BCL2: variants seen among roughly 807,000 people sequenced by gnomAD.
The protein encoded by BCL2 is apoptosis regulator Bcl-2.
A neutral mutation model predicts 14.2 loss-of-function variants in BCL2; 1 was observed. That is an observed-to-expected ratio of 0.07 (90% CI 0.02 to 0.33). The LOEUF is 0.33. Among genes scored for constraint, BCL2 ranks in the 10% least tolerant of loss-of-function variants. The pLI, the probability that BCL2 is intolerant of heterozygous loss-of-function variation, is 0.99. For synonymous variants in BCL2, 151 were observed against 137.2 expected, an observed-to-expected ratio of 1.10 and a Z score of -0.70; for missense variants, 247 against 305.9, an observed-to-expected ratio of 0.81 and a Z score of 1.44.
intron 2 of BCL2, among the ~76,000 whole-genome samples, chr18:63,310,574 G>A (rs1206927611): frequency 2.0e-5 from 3 of 152,184 alleles, no homozygotes; most frequent in Non-Finnish European, 4.4e-5. Flanking sequence ...TAAGTTCCTT[G>A]AAGGCAAAAG....
chr18:63,128,491 G>A lies in BCL2; in HGVS notation c.*134C>T. ...TGTGTGTGTGTGTCTGTCTGTGTGT[G>A]TGATGTTTATATGTGTGTTATTTTT... On this transcript the variant is annotated 3_prime_UTR_variant, in exon 3 of 3. Transcript: ENST00000333681. 1.6e-6 allele frequency: 1 copy of A among 616,084 alleles called. No individual in the cohort carries two copies. The highest frequency in any genetic ancestry group is 2.7e-5 in the East Asian group (1 of 37,726). 38.2% of individuals were successfully genotyped at this position (616,084 alleles called of 1,614,324 possible). A position where few individuals can be genotyped will look rare whatever the true frequency, so the allele number is the denominator to read the frequency against.
chr18:63,281,117 G>C (rs1207594797), intron 2 of BCL2, among the ~76,000 whole-genome samples: 1 of 152,184 alleles, frequency 6.6e-6, no homozygotes, highest in African/African-American at 2.4e-5. Flanking sequence ...GGTACCTAGA[G>C]TAGTCAAGTT....
At position 63,126,812 on chromosome 18, in the gene BCL2, A is replaced by AT. The variant is rs1913922155; in HGVS notation, c.*1812dup. 2 of 228,382 alleles carry AT rather than the reference A, an allele frequency of 8.8e-6. No homozygotes were observed. Among genetic ancestry groups the AT allele is most frequent in the South Asian group, 1.8e-4 (1 of 5,470 alleles). The allele number at this position is 228,382 out of a possible 1,614,324, so 14.1% of individuals were successfully genotyped here. A position where few individuals can be genotyped will look rare whatever the true frequency, so the allele number is the denominator to read the frequency against. On this transcript the variant is annotated 3_prime_UTR_variant, in exon 3 of 3. Coordinates refer to ENST00000333681, the MANE Select transcript of BCL2 (RefSeq NM_000633.3). ...AACAAAAAAACGCTGAGATGCATGT[A>AT]TTTTTTTAAAGCAGCTTTCGAAATA...
chr18:63,265,385 T>A (rs934387297), intron 2 of BCL2, among the ~76,000 whole-genome samples: 1 of 152,234 alleles, frequency 6.6e-6, no homozygotes, highest in Non-Finnish European at 1.5e-5. Flanking sequence ...CCCTGGGATA[T>A]AGATATTACT....
At chr18:63,214,500 G>C (rs564287286) in intron 2 of BCL2, among the ~76,000 whole-genome samples, 1 of 152,194 alleles carries the variant, frequency 6.6e-6, no homozygotes, top group East Asian at 1.9e-4. Flanking sequence ...TATTTTCAAG[G>C]TTGACTCAAA....
intron 2 of BCL2, among the ~76,000 whole-genome samples, chr18:63,311,520 C>T (rs1436734978): frequency 6.6e-6 from 1 of 152,168 alleles, no homozygotes; most frequent in Non-Finnish European, 1.5e-5. Context: ...TCACTTGACA[C>T]AGTGGGTTCT....
At chr18:63,307,479 A>G (rs1568265321) in intron 2 of BCL2, among the ~76,000 whole-genome samples, 1 of 152,188 alleles carries the variant, frequency 6.6e-6, no homozygotes, top group Non-Finnish European at 1.5e-5. Flanking sequence ...AAAACTAATA[A>G]CCCCTTAACT....
In BCL2 at chr18:63,318,652, C is replaced by G. The variant is rs1913589918; in HGVS notation, c.15G>C (p.Gly5=). ...TCTCCCGGTTATCGTACCCTGTTCT[C>G]CCAGCGTGCGCCATCCTTCCCAGAG... is the stretch of plus-strand genomic sequence containing the variant. MAHA[G]RTGYDNREIV... is the part of the protein sequence containing the mutation. The change falls in exon 2 of 3, where the codon GGG becomes GGC. Residue 5 remains glycine (G), a synonymous_variant. Transcript: ENST00000333681. The surrounding 1 kb of genome is among the most constrained non-coding windows in gnomAD (Gnocchi z 7.4). 6.2e-7 allele frequency: 1 copy of G among 1,613,020 alleles called. No individual in the cohort carries two copies. The highest frequency in any genetic ancestry group is 1.3e-5 in the African/African-American group (1 of 75,010).
intron 2 of BCL2, among the ~76,000 whole-genome samples, chr18:63,280,476 C>T (rs1054342027): frequency 3.3e-5 from 5 of 152,184 alleles, no homozygotes; most frequent in Non-Finnish European, 5.9e-5. Context: ...ACGCCTACAA[C>T]TCAATAACAA....
chr18:63,269,808 A>G (rs923810381), intron 2 of BCL2, among the ~76,000 whole-genome samples: 2 of 152,192 alleles, frequency 1.3e-5, no homozygotes, highest in African/African-American at 4.8e-5. Context: ...TGGTAATCAC[A>G]TGAAGGAGAA....
intron 2 of BCL2, among the ~76,000 whole-genome samples, chr18:63,130,686 T>TG: frequency 1.3e-5 from 2 of 152,364 alleles, no homozygotes; most frequent in East Asian, 3.9e-4. Context: ...AAATGTGCCA[T>TG]ACTTTAAAAA....
chr18:63,317,779 C>T, intron 2 of BCL2: 1 of 1,243,596 alleles, frequency 8.0e-7, no homozygotes, highest in Non-Finnish European at 1.0e-6. Flanking sequence ...CCTGGACCTT[C>T]AGCTTGAGAA....
intron 2 of BCL2, among the ~76,000 whole-genome samples, chr18:63,249,919 G>C (rs920154692): frequency 6.6e-6 from 1 of 152,068 alleles, no homozygotes; most frequent in African/African-American, 2.4e-5. Context: ...GAAGGAAAGG[G>C]AAGCCAGTGC....
chr18:63,211,063 C>CTTTTTTTTTTTTTTTTTTTTTTTT (rs59302545), intron 2 of BCL2, among the ~76,000 whole-genome samples: 1 of 59,142 alleles, frequency 1.7e-5, no homozygotes, highest in Non-Finnish European at 2.9e-5. Context: ...CTTTTCATTT[C>CTTTTTTTTTTTTTTTTTTTTTTTT]TTTTTTTTTT....
At chr18:63,155,793 T>A (rs1027274823) in intron 2 of BCL2, among the ~76,000 whole-genome samples, 1 of 152,148 alleles carries the variant, frequency 6.6e-6, no homozygotes, top group Non-Finnish European at 1.5e-5. Flanking sequence ...TGCCCCGAGC[T>A]CAGGGTCACC....
At chr18:63,181,250 C>A (rs1915475098) in intron 2 of BCL2, among the ~76,000 whole-genome samples, 1 of 152,188 alleles carries the variant, frequency 6.6e-6, no homozygotes, top group African/African-American at 2.4e-5. Context: ...CAAAATTACC[C>A]CTGTGTGGCT....
chr18:63,197,197 T>C (rs889227969), intron 2 of BCL2, among the ~76,000 whole-genome samples: 3 of 152,226 alleles, frequency 2.0e-5, no homozygotes, highest in African/African-American at 4.8e-5. Flanking sequence ...TGTGTAAAGA[T>C]GCTGCATGAC....
intron 2 of BCL2, among the ~76,000 whole-genome samples, chr18:63,180,295 G>C (rs1432930861): frequency 4.6e-5 from 7 of 152,232 alleles, no homozygotes; most frequent in African/African-American, 1.7e-4. Flanking sequence ...ATGGGGAAGA[G>C]CAGGGAAGGG....
At chr18:63,242,054 T>C (rs1327389151) in intron 2 of BCL2, among the ~76,000 whole-genome samples, 1 of 152,134 alleles carries the variant, frequency 6.6e-6, no homozygotes, top group Non-Finnish European at 1.5e-5. Context: ...AAGGTGTAGA[T>C]CTTCAAACTG....
Sources: gnomAD v4.1 joint callset for allele counts (sites outside exome capture counted in the v4.1 genomes callset) on GRCh38, gnomAD v4.1.1 for gene constraint, Gnocchi (gnomAD v3.1) non-coding constraint, MANE v1.5 for transcripts, NCBI Gene and HGNC (gene_info 2026-07-23, HGNC 2026-07-21) for gene names.